The following PRKN variants were observed in gnomAD, a reference collection of about 807,000 sequenced individuals.
The protein encoded by PRKN is parkin RBR E3 ubiquitin protein ligase.
Under a neutral mutation model 59.5 loss-of-function variants are expected in PRKN, and 56 were observed. The observed-to-expected ratio is 0.94, with a 90% confidence interval of 0.76 to 1.18. The LOEUF is 1.18. Among genes scored for constraint, PRKN ranks in the 50% most tolerant of loss-of-function variants. PRKN has a pLI of 0.00. For synonymous variants in PRKN, 250 were observed against 222.1 expected (o/e 1.13, Z -1.12); for missense variants, 657 against 596.4 (o/e 1.10, Z -1.06).
chr6:161,797,219 T>C (rs186658039), intron 6 of PRKN, among the ~76,000 whole-genome samples: 278 of 152,282 alleles, frequency 1.8e-3, no homozygotes, highest in Middle Eastern at 6.8e-3. Context: ...AATGTAATCG[T>C]ATGCTGGGTC....
intron 4 of PRKN, among the ~76,000 whole-genome samples, chr6:162,177,617 T>C (rs1184945310): frequency 6.6e-6 from 1 of 151,966 alleles, no homozygotes; most frequent in Admixed American, 6.6e-5. Flanking sequence ...CTAATGCCTA[T>C]CATTTAAAAG....
At chr6:162,223,656 CACACA>C (rs879575865) in intron 3 of PRKN, among the ~76,000 whole-genome samples, 8,912 of 93,384 alleles carry the variant, frequency 0.095, 423 homozygotes, top group African/African-American at 0.24. Flanking sequence ...CACACACACA[CACACA>C]AACATAATGC....
At chr6:162,702,611 G>A (rs1318880362) in intron 1 of PRKN, among the ~76,000 whole-genome samples, 1 of 152,132 alleles carries the variant, frequency 6.6e-6, no homozygotes, top group Non-Finnish European at 1.5e-5. Flanking sequence ...AATGAAGTAA[G>A]AAACATTTCA....
Position 161,359,551 on chromosome 6 carries a change from G to A in PRKN, c.1285+537C>T, listed in dbSNP as rs189303029. ...GGCTCTCGGACCACTGGTTGTGATG[G>A]CTTTGCCCTGAGTGGCATGTCCAGG... On this transcript the variant is annotated intron_variant, in intron 11 of 11. Transcript: ENST00000366898. This position sits in a 1 kb window ranked among gnomAD's most constrained non-coding sequence, Gnocchi z 5.4. Among the ~76,000 whole-genome samples the A allele has an allele frequency of 6.6e-6, 1 of 152,358 alleles. No individual in the cohort carries two copies. The highest frequency in any genetic ancestry group is 1.9e-4 in the East Asian group (1 of 5,178).
At chr6:161,834,360 T>C (rs906507341) in intron 6 of PRKN, among the ~76,000 whole-genome samples, 4 of 152,142 alleles carry the variant, frequency 2.6e-5, no homozygotes, top group Non-Finnish European at 5.9e-5. Flanking sequence ...GGGTCAGGCT[T>C]CTAAGGCTTC....
chr6:161,994,122 A>C (rs1471318805), intron 5 of PRKN, among the ~76,000 whole-genome samples: 1 of 152,132 alleles, frequency 6.6e-6, no homozygotes, highest in African/African-American at 2.4e-5. Context: ...TCAACAAAAT[A>C]GCATATCATG....
At chr6:162,235,870 GGAAA>G (rs1457155565) in intron 3 of PRKN, among the ~76,000 whole-genome samples, 7 of 141,642 alleles carry the variant, frequency 4.9e-5, no homozygotes, top group Non-Finnish European at 9.2e-5. Context: ...AGAAAAAGAC[GGAAA>G]GAAAGAGAGA....
At chr6:161,850,594 A>AAC (rs59893422) in intron 6 of PRKN, among the ~76,000 whole-genome samples, 9 of 150,746 alleles carry the variant, frequency 6.0e-5, no homozygotes, top group Non-Finnish European at 1.3e-4. Flanking sequence ...AAAAAAAAAA[A>AAC]CTCTACAAAA....
At chr6:162,145,593 A>G in intron 4 of PRKN, among the ~76,000 whole-genome samples, 1 of 152,178 alleles carries the variant, frequency 6.6e-6, no homozygotes, top group East Asian at 1.9e-4. Context: ...GATTTATTGA[A>G]AGCAAAAGTA....
intron 1 of PRKN, among the ~76,000 whole-genome samples, chr6:162,666,101 T>C (rs980849424): frequency 2.6e-5 from 4 of 152,280 alleles, no homozygotes; most frequent in Non-Finnish European, 5.9e-5. Context: ...ATCTAGGCAA[T>C]ACCATTCAGG....
At chr6:162,286,861 A>T (rs1473183895) in intron 2 of PRKN, among the ~76,000 whole-genome samples, 1 of 152,208 alleles carries the variant, frequency 6.6e-6, no homozygotes, top group African/African-American at 2.4e-5. Flanking sequence ...GCTCAAAGAG[A>T]TGCATAACTT....
intron 1 of PRKN, among the ~76,000 whole-genome samples, chr6:162,449,984 C>T (rs972960944): frequency 1.3e-5 from 2 of 152,206 alleles, no homozygotes; most frequent in African/African-American, 2.4e-5. Context: ...AGTCCGTGCA[C>T]ATGGCATGTG....
chr6:162,566,325 C>A (rs1308696038), intron 1 of PRKN, among the ~76,000 whole-genome samples: 13 of 151,326 alleles, frequency 8.6e-5, no homozygotes, highest in Non-Finnish European at 1.5e-4. Flanking sequence ...GAAAAAAATA[C>A]AAAAGATCAA....
intron 4 of PRKN, among the ~76,000 whole-genome samples, chr6:162,112,260 C>A (rs1181108682): frequency 6.6e-6 from 1 of 152,140 alleles, no homozygotes; most frequent in African/African-American, 2.4e-5. Context: ...AAAGACCAGA[C>A]CTCTTCATGT....
intron 9 of PRKN, among the ~76,000 whole-genome samples, chr6:161,515,786 A>C (rs1778565658): frequency 6.6e-6 from 1 of 152,202 alleles, no homozygotes; most frequent in Admixed American, 6.5e-5. Flanking sequence ...GGTTCTTCTT[A>C]TGGGATTTTA....
intron 7 of PRKN, among the ~76,000 whole-genome samples, chr6:161,732,635 G>A (rs571857551): frequency 2.2e-4 from 33 of 152,300 alleles, no homozygotes; most frequent in African/African-American, 7.9e-4. Context: ...TTAAAAGTGA[G>A]AACATGCAAC....
intron 9 of PRKN, among the ~76,000 whole-genome samples, chr6:161,438,383 A>T (rs1789029776): frequency 2.0e-5 from 3 of 151,648 alleles, no homozygotes; most frequent in Non-Finnish European, 4.4e-5. Flanking sequence ...ACGCCCAGCT[A>T]TTTTTTGTAT....
Position 161,459,247 on chromosome 6 carries a change from G to A in PRKN, c.1084-72370C>T, listed in dbSNP as rs1172596503. Among the ~76,000 whole-genome samples, 1 of 152,164 alleles carries A rather than the reference G, an allele frequency of 6.6e-6. No individual in the cohort carries two copies. The highest frequency in any genetic ancestry group is 1.5e-5 in the Non-Finnish European group (1 of 68,032). ...AACTTGACAGTCAGTGTGTTTGTGG[G>A]CTTCTCTTCCTGCCAGTCTGCAACC... On this transcript the variant is annotated intron_variant, in intron 9 of 11. Transcript: ENST00000366898. The surrounding 1 kb of genome is among the most constrained non-coding windows in gnomAD (Gnocchi z 4.8).
chr6:162,135,166 T>C lies in PRKN; in HGVS notation c.534+65965A>G, dbSNP rs1428278442. 2.0e-5 allele frequency among the ~76,000 whole-genome samples: 3 copies of C among 152,138 alleles called. No homozygotes were observed. The South Asian group carries it at 6.2e-4, about 31-fold the overall frequency. On this transcript the variant is annotated intron_variant, in intron 4 of 11. Transcript: ENST00000366898. ...TTGTTTGGCTTTTACAGACTGGGTC[T>C]TCCCCTGTCTCCCAGGCTGGAGTGC...
Sources: gnomAD v4.1 joint callset for allele counts (sites outside exome capture counted in the v4.1 genomes callset) on GRCh38, gnomAD v4.1.1 for gene constraint, Gnocchi (gnomAD v3.1) non-coding constraint, MANE v1.5 for transcripts, NCBI Gene and HGNC (gene_info 2026-07-23, HGNC 2026-07-21) for gene names.